The following CAMK4 variants were observed in gnomAD, a reference collection of about 807,000 sequenced individuals.
CAMK4 encodes calcium/calmodulin dependent protein kinase IV.
CAMK4 carries 22 observed loss-of-function variants against 44.9 expected under a neutral mutation model. The ratio of observed to expected loss-of-function variants is 0.49; its 90% CI spans 0.35 to 0.70. The LOEUF is 0.70. CAMK4 is among the 30% of genes least tolerant of loss of function. The pLI is 0.01. For synonymous variants in CAMK4, 218 were observed against 215.4 expected, an observed-to-expected ratio of 1.01 and a Z score of -0.11; for missense variants, 498 against 586.8, an observed-to-expected ratio of 0.85 and a Z score of 1.56.
At chr5:111,342,536 T>A (rs1169650739) in intron 1 of CAMK4, among the ~76,000 whole-genome samples, 1 of 144,260 alleles carries the variant, frequency 6.9e-6, no homozygotes, top group Non-Finnish European at 1.5e-5. Context: ...ATGAGTTTCT[T>A]GTACACAGCA....
At chr5:111,312,483 G>C (rs827563) in intron 1 of CAMK4, among the ~76,000 whole-genome samples, 142,242 of 152,214 alleles carry the variant, frequency 0.93, 66,591 homozygotes, top group East Asian at 1. Context: ...TAACTGGGTA[G>C]TAGGTGTCAG....
intron 2 of CAMK4, among the ~76,000 whole-genome samples, chr5:111,347,327 G>T (rs1247865035): frequency 6.6e-6 from 1 of 151,912 alleles, no homozygotes; most frequent in East Asian, 1.9e-4. Context: ...GAGGGTCAAG[G>T]TTTCTGAATA....
intron 8 of CAMK4, among the ~76,000 whole-genome samples, chr5:111,473,622 G>GTAAT (rs1245905939): frequency 6.6e-6 from 1 of 152,142 alleles, no homozygotes; most frequent in Non-Finnish European, 1.5e-5. Flanking sequence ...TATCCACTAT[G>GTAAT]TAATATACAG....
chr5:111,434,445 A>G (rs1326075390), intron 5 of CAMK4, among the ~76,000 whole-genome samples: 1 of 152,224 alleles, frequency 6.6e-6, no homozygotes, highest in East Asian at 1.9e-4. Context: ...GGAGGCATTA[A>G]GGATGACTCC....
At chr5:111,402,723 A>G (rs546730993) in intron 5 of CAMK4, among the ~76,000 whole-genome samples, 16 of 152,306 alleles carry the variant, frequency 1.1e-4, no homozygotes, top group African/African-American at 2.6e-4. Flanking sequence ...GAGTTTTGGG[A>G]AAAATTTTCC....
At chr5:111,254,524 A>C (rs1042548193) in intron 1 of CAMK4, among the ~76,000 whole-genome samples, 8 of 152,222 alleles carry the variant, frequency 5.3e-5, no homozygotes, top group African/African-American at 1.7e-4. Context: ...ATATCAAAAT[A>C]CAAGTTTTAA....
intron 5 of CAMK4, among the ~76,000 whole-genome samples, chr5:111,443,645 G>A (rs1420729385): frequency 1.3e-5 from 2 of 151,762 alleles, no homozygotes; most frequent in East Asian, 3.9e-4. Flanking sequence ...CACTTAGAAC[G>A]CAACCACCTT....
At chr5:111,328,648 G>T (rs1345036991) in intron 1 of CAMK4, among the ~76,000 whole-genome samples, 1 of 152,024 alleles carries the variant, frequency 6.6e-6, no homozygotes, top group East Asian at 1.9e-4. Context: ...CATGAGCATG[G>T]AATGTTCTTC....
In CAMK4 at chr5:111,459,052, C is replaced by T. The variant is rs151288050; in HGVS notation, c.625+9849C>T. ...ATGTGGGCAGAAGGGAATATATGGT[C>T]CACATGTCAACTTGGCTACTGGTAT... On this transcript the variant is annotated intron_variant, in intron 7 of 10. Transcript: ENST00000282356. Among the ~76,000 whole-genome samples, 808 of 152,174 alleles carry T rather than the reference C, an allele frequency of 5.3e-3. 5 individuals carry two copies. Among genetic ancestry groups the T allele is most frequent in the Admixed American group, 0.015 (235 of 15,294 alleles).
chr5:111,325,294 C>T (rs1215109179), intron 1 of CAMK4, among the ~76,000 whole-genome samples: 1 of 151,892 alleles, frequency 6.6e-6, no homozygotes. Context: ...CAAGTCTTTG[C>T]TGTTGTAAAT....
intron 1 of CAMK4, among the ~76,000 whole-genome samples, chr5:111,280,576 A>ATACAGT: frequency 6.6e-6 from 1 of 152,326 alleles, no homozygotes; most frequent in Admixed American, 6.5e-5. Context: ...AAAATTCTAA[A>ATACAGT]TACAGTTGTT....
chr5:111,442,067 T>G (rs1429176305), intron 5 of CAMK4, among the ~76,000 whole-genome samples: 1 of 152,210 alleles, frequency 6.6e-6, no homozygotes, highest in East Asian at 1.9e-4. Flanking sequence ...TTCAGCTCTT[T>G]AAATTGATCT....
chr5:111,435,856 A>G (rs1753626240), intron 5 of CAMK4, among the ~76,000 whole-genome samples: 1 of 152,146 alleles, frequency 6.6e-6, no homozygotes, highest in African/African-American at 2.4e-5. Context: ...TGTCATAATC[A>G]TGTTTATCCT....
At chr5:111,271,665 T>C (rs1561376438) in intron 1 of CAMK4, among the ~76,000 whole-genome samples, 1 of 152,204 alleles carries the variant, frequency 6.6e-6, no homozygotes, top group East Asian at 1.9e-4. Context: ...ACTATGCAAG[T>C]AAATTCATAG....
chr5:111,440,041 G>C (rs986502823), intron 5 of CAMK4, among the ~76,000 whole-genome samples: 1 of 152,226 alleles, frequency 6.6e-6, no homozygotes, highest in Non-Finnish European at 1.5e-5. Flanking sequence ...GGAAATAATT[G>C]AGTATAGCCA....
intron 5 of CAMK4, among the ~76,000 whole-genome samples, chr5:111,418,576 A>T (rs1027867957): frequency 2.6e-5 from 4 of 151,922 alleles, no homozygotes; most frequent in Non-Finnish European, 4.4e-5. Flanking sequence ...ATATCACCTA[A>T]TGCTATCCCT....
At chr5:111,475,726 T>C (rs1197249776) in intron 8 of CAMK4, among the ~76,000 whole-genome samples, 2 of 152,228 alleles carry the variant, frequency 1.3e-5, no homozygotes, top group African/African-American at 4.8e-5. Context: ...TGAGGACGTT[T>C]TATTTACTCT....
chr5:111,286,091 A>G (rs1751229256), intron 1 of CAMK4, among the ~76,000 whole-genome samples: 1 of 152,240 alleles, frequency 6.6e-6, no homozygotes, highest in East Asian at 1.9e-4. Flanking sequence ...TACTTCTGTA[A>G]GAGAAAAATG....
In CAMK4 at chr5:111,301,858, C is replaced by T. The variant is rs184797612; in HGVS notation, c.162-42166C>T. Among the ~76,000 whole-genome samples the T allele has an allele frequency of 1.1e-3, 161 of 152,210 alleles. 2 individuals carry two copies. The highest frequency in any genetic ancestry group is 1.7e-3 in the Non-Finnish European group (113 of 68,000). ...GTAGTTTTTTTGCATACTTACTCTTCGGTCATTTATTCTCTCTACAGTTCA... is the reference window on the plus strand; with the variant it reads ...GTAGTTTTTTTGCATACTTACTCTTTGGTCATTTATTCTCTCTACAGTTCA... On this transcript the variant is annotated intron_variant, in intron 1 of 10. Transcript: ENST00000282356.
Sources: allele counts gnomAD v4.1 joint callset (sites outside exome capture counted in the v4.1 genomes callset), GRCh38; gene constraint gnomAD v4.1.1; transcripts MANE v1.5; gene names NCBI Gene and HGNC (gene_info 2026-07-23, HGNC 2026-07-21).